Variants in ATXN2 observed in about 807,000 individuals in gnomAD.
ATXN2 encodes ataxin 2.
ATXN2 carries 37 observed loss-of-function variants against 138.6 expected under a neutral mutation model. The observed-to-expected ratio is 0.27, with a 90% confidence interval of 0.21 to 0.35. The LOEUF is 0.35. ATXN2 is among the 10% of genes least tolerant of loss of function. The pLI, the probability that ATXN2 is intolerant of heterozygous loss-of-function variation, is 1.00. For synonymous variants in ATXN2, 549 were observed against 543.7 expected, an observed-to-expected ratio of 1.01 and a Z score of -0.13; for missense variants, 1,216 against 1,480.3, an observed-to-expected ratio of 0.82 and a Z score of 2.93.
intron 18 of ATXN2, among the ~76,000 whole-genome samples, chr12:111,478,144 C>A (rs768726559): frequency 6.6e-6 from 1 of 151,926 alleles, no homozygotes; most frequent in Non-Finnish European, 1.5e-5. Context: ...CAGTGGCTCA[C>A]ACCTGTAATC....
intron 1 of ATXN2, among the ~76,000 whole-genome samples, chr12:111,596,689 C>G (rs1052202649): frequency 6.6e-6 from 1 of 152,166 alleles, no homozygotes; most frequent in African/African-American, 2.4e-5. Context: ...AAAATTTCAC[C>G]TATTCATCAG....
intron 5 of ATXN2, among the ~76,000 whole-genome samples, chr12:111,527,690 A>T (rs1404727587): frequency 1.3e-5 from 2 of 152,160 alleles, no homozygotes; most frequent in African/African-American, 4.8e-5. Flanking sequence ...GAGCAGCAGG[A>T]CTCAGCTGGG....
chr12:111,568,865 T>C (rs1883164020), intron 1 of ATXN2, among the ~76,000 whole-genome samples: 1 of 152,246 alleles, frequency 6.6e-6, no homozygotes, highest in Admixed American at 6.5e-5. Context: ...TGTTGTTGTT[T>C]ACATTATTAT....
intron 1 of ATXN2, among the ~76,000 whole-genome samples, chr12:111,570,741 A>G (rs779035815): frequency 2.6e-4 from 40 of 152,142 alleles, no homozygotes; most frequent in Non-Finnish European, 5.4e-4. Flanking sequence ...AGTGCTACCA[A>G]TTTAAACTAT....
chr12:111,454,021 C>G, intron 23 of ATXN2, 176 bp from the exon 24 acceptor site: 1 of 640,934 alleles, frequency 1.6e-6, no homozygotes, highest in Non-Finnish European at 2.6e-6. Context: ...TGAAGACGCG[C>G]TTCACCTTTG....
intron 1 of ATXN2, among the ~76,000 whole-genome samples, chr12:111,596,246 A>ACAC (rs1592942289): frequency 2.0e-5 from 3 of 148,560 alleles, no homozygotes; most frequent in South Asian, 2.1e-4. Flanking sequence ...ACACACACAC[A>ACAC]AAATTAGATT....
intron 14 of ATXN2, among the ~76,000 whole-genome samples, chr12:111,490,505 A>G (rs1356292727): frequency 6.6e-6 from 1 of 152,140 alleles, no homozygotes; most frequent in Non-Finnish European, 1.5e-5. Context: ...TCAGTTAGAC[A>G]TTCTAAACCC....
chr12:111,522,655 G>A (rs1163066987), intron 6 of ATXN2, among the ~76,000 whole-genome samples: 1 of 152,068 alleles, frequency 6.6e-6, no homozygotes, highest in African/African-American at 2.4e-5. Context: ...GCTCATGCCT[G>A]TAATCCCAGC....
At chr12:111,473,280 A>AT (rs1464663302) in intron 18 of ATXN2, among the ~76,000 whole-genome samples, 2 of 142,158 alleles carry the variant, frequency 1.4e-5, no homozygotes, top group Admixed American at 7.1e-5. Flanking sequence ...TCTCCAAAAA[A>AT]TTAAAAAAAA....
At chr12:111,595,708 C>G (rs1461559999) in intron 1 of ATXN2, among the ~76,000 whole-genome samples, 1 of 147,682 alleles carries the variant, frequency 6.8e-6, no homozygotes, top group African/African-American at 2.5e-5. Context: ...TACAAAATAA[C>G]ATACACAATC....
rs1428236285 is a variant in ATXN2 at position 111,488,515 on chromosome 12, T to G, written c.2201A>C (p.Gln734Pro). 7 of 1,614,032 alleles carry G rather than the reference T, an allele frequency of 4.3e-6. No individual in the cohort carries two copies. Among genetic ancestry groups the G allele is most frequent in the Non-Finnish European group, 5.9e-6 (7 of 1,179,942 alleles). Residue 734 changes from glutamine (Q) to proline (P), a missense_variant, in exon 15 of 25, where the codon CAA becomes CCA. Transcript: ENST00000673436. ...GVQTSSPACK[Q>P]EKDDKEEKKD... is the part of the protein sequence containing the mutation. Reference sequence around the variant, plus strand: ...CTTCTCTTCCTTATCGTCTTTCTCTTGTTTACATGCTGGGCTGGAAGTCTG... The same window carrying G: ...CTTCTCTTCCTTATCGTCTTTCTCTGGTTTACATGCTGGGCTGGAAGTCTG...
In ATXN2 at chr12:111,540,488, G is replaced by T. The variant is rs1010540987; in HGVS notation, c.571+11792C>A. Reference sequence around the variant, plus strand: ...TTCTCACATTTACCATTCAGCGCAAGCTGATAGACAATCATATTCCACTGC... The same window carrying T: ...TTCTCACATTTACCATTCAGCGCAATCTGATAGACAATCATATTCCACTGC... On this transcript the variant is annotated intron_variant, in intron 5 of 24. Transcript: ENST00000673436. 6.6e-5 allele frequency among the ~76,000 whole-genome samples: 10 copies of T among 150,586 alleles called. 1 individual carries two copies. The highest frequency in any genetic ancestry group is 1.5e-4 in the Non-Finnish European group (10 of 67,186).
rs1413952579 is a variant in ATXN2 at position 111,598,795 on chromosome 12, G to A, written c.240C>T (p.Pro80=). The change falls in exon 1 of 25, where the codon CCC becomes CCT. Residue 80 remains proline, a synonymous_variant. Coordinates refer to ENST00000673436, the MANE Select transcript of ATXN2 (RefSeq NM_001372574.1). This position sits in a 1 kb window ranked among gnomAD's most constrained non-coding sequence, Gnocchi z 4.5. ...VVAATSGGGR[P]GLGRGRNSNK... is the part of the protein sequence containing the mutation. ...GTGCCGACACCCACCTGCCCAGGCC[G>A]GGCCTCCCGCCGCCGGAGGTCGCCG... 5.8e-6 allele frequency: 8 copies of A among 1,388,674 alleles called. No individual in the cohort carries two copies. Among genetic ancestry groups the A allele is most frequent in the Non-Finnish European group, 7.4e-6 (8 of 1,078,936 alleles). 86.0% of individuals were successfully genotyped at this position (1,388,674 alleles called of 1,614,324 possible). A position where few individuals can be genotyped will look rare whatever the true frequency, so the allele number is the denominator to read the frequency against.
intron 23 of ATXN2, chr12:111,455,215 C>T: frequency 1.5e-6 from 1 of 684,716 alleles, no homozygotes; most frequent in Non-Finnish European, 2.7e-6. Flanking sequence ...CTAATACAGC[C>T]AATTCACCCG....
rs146007520 is a variant in ATXN2, at chr12:111,508,699, G to A, written c.1935+850C>T. Among the ~76,000 whole-genome samples the A allele has an allele frequency of 3.5e-3, 533 of 151,958 alleles. 1 individual carries two copies. The highest frequency in any genetic ancestry group is 0.012 in the African/African-American group (511 of 41,452). On this transcript the variant is annotated intron_variant, in intron 14 of 24. Transcript: ENST00000673436. ...TGACCTTAGGTGATCTGCCCACCTCGGCCTCCCAAAGTGCTAGGATTACAG... is the reference window on the plus strand; with the variant it reads ...TGACCTTAGGTGATCTGCCCACCTCAGCCTCCCAAAGTGCTAGGATTACAG...
intron 5 of ATXN2, among the ~76,000 whole-genome samples, chr12:111,529,800 G>C (rs1219556083): frequency 6.6e-6 from 1 of 152,100 alleles, no homozygotes; most frequent in African/African-American, 2.4e-5. Flanking sequence ...TAAAGGGCCA[G>C]AATAATGGTC....
chr12:111,550,716 G>A (rs924585542), intron 5 of ATXN2, among the ~76,000 whole-genome samples: 12 of 152,266 alleles, frequency 7.9e-5, no homozygotes, highest in African/African-American at 2.9e-4. Context: ...GGACATTTGA[G>A]AAGATTCAAA....
chr12:111,452,969 TTCCCC>T, intron 24 of ATXN2, 129 bp from the exon 25 acceptor site: 2 of 1,006,798 alleles, frequency 2.0e-6, no homozygotes, highest in Non-Finnish European at 2.5e-6. Context: ...GAATTCGCTT[TTCCCC>T]CTCCCATCTG....
intron 18 of ATXN2, chr12:111,471,241 G>A (rs111339224): frequency 2.7e-3 from 441 of 166,116 alleles, no homozygotes; most frequent in Non-Finnish European, 5.0e-3. Context: ...GTATAACACA[G>A]CACCATGTAG....
Sources: gnomAD v4.1 joint callset for allele counts (sites outside exome capture counted in the v4.1 genomes callset) on GRCh38, gnomAD v4.1.1 for gene constraint, Gnocchi (gnomAD v3.1) non-coding constraint, MANE v1.5 for transcripts, NCBI Gene and HGNC (gene_info 2026-07-23, HGNC 2026-07-21) for gene names.